The following BCAS1 variants were observed in gnomAD, a reference collection of about 807,000 sequenced individuals.
BCAS1 encodes brain enriched myelin associated protein 1.
A neutral mutation model predicts 65.4 loss-of-function variants in BCAS1; 46 were observed. That is an observed-to-expected ratio of 0.70 (90% CI 0.55 to 0.90). The LOEUF (loss-of-function observed/expected upper bound fraction) is 0.90, where lower values mean the gene tolerates loss of function less well. Ranked by LOEUF, BCAS1 falls within the 40% of genes least tolerant of loss-of-function variation. The probability of loss-of-function intolerance (pLI) is 0.00; values close to 1 mark genes in which losing one functional copy is unlikely to be tolerated. For synonymous variants in BCAS1, 298 were observed against 293.5 expected (o/e 1.02, Z -0.16); for missense variants, 793 against 771.2 (o/e 1.03, Z -0.33).
At chr20:54,006,461 G>C (rs1449040573) in intron 4 of BCAS1, among the ~76,000 whole-genome samples, 1 of 152,144 alleles carries the variant, frequency 6.6e-6, no homozygotes, top group Non-Finnish European at 1.5e-5. Flanking sequence ...TGTAATCCTA[G>C]CACTTTGGGA....
intron 9 of BCAS1, 92 bp downstream of exon 9, chr20:53,975,297 A>G: frequency 8.8e-7 from 1 of 1,139,616 alleles, no homozygotes; most frequent in Non-Finnish European, 1.3e-6. Context: ...GCAGCATGCA[A>G]GAACACAGGA....
chr20:54,019,543 G>A (rs977441522), intron 4 of BCAS1, among the ~76,000 whole-genome samples: 23 of 152,192 alleles, frequency 1.5e-4, no homozygotes, highest in Admixed American at 1.4e-3. Context: ...TGCCTAGATG[G>A]CTGGTAAAGT....
chr20:53,996,151 G>T, intron 4 of BCAS1, 101 bp from the exon 5 acceptor site: 1 of 1,276,028 alleles, frequency 7.8e-7, no homozygotes, highest in Non-Finnish European at 1.1e-6. Flanking sequence ...CCTAATTCCA[G>T]CCATACTTCT....
At chr20:54,052,060 A>G (rs978697010) in intron 3 of BCAS1, among the ~76,000 whole-genome samples, 8 of 152,102 alleles carry the variant, frequency 5.3e-5, no homozygotes. Flanking sequence ...TTTTTAAAAA[A>G]CTTCATTGTA....
At chr20:54,018,058 A>G (rs2146009937) in intron 4 of BCAS1, among the ~76,000 whole-genome samples, 1 of 152,358 alleles carries the variant, frequency 6.6e-6, no homozygotes, top group South Asian at 2.1e-4. Flanking sequence ...TAGGTTGCAG[A>G]CTTTCTAAGA....
chr20:54,058,206 A>G lies in BCAS1; in HGVS notation c.73-52T>C, dbSNP rs753827173. On this transcript the variant is annotated intron_variant, in intron 2 of 12. Transcript: ENST00000688948. The stretch of plus-strand genomic sequence containing the variant: ...GACAAATCTTCGGGGGAAAATCAGA[A>G]GAACTCAAGGAAGAACCTCTAAGAT... The G allele has an allele frequency of 2.6e-6, 4 of 1,515,570 alleles. No individual in the cohort carries two copies. The South Asian group carries it at 4.5e-5, about 17-fold the overall frequency. 93.9% of individuals were successfully genotyped at this position (1,515,570 alleles called of 1,614,324 possible).
chr20:53,995,582 T>C (rs2090885988), intron 5 of BCAS1, among the ~76,000 whole-genome samples: 1 of 152,156 alleles, frequency 6.6e-6, no homozygotes, highest in African/African-American at 2.4e-5. Flanking sequence ...GAGATATTTT[T>C]CAATTATTTT....
intron 4 of BCAS1, among the ~76,000 whole-genome samples, chr20:54,006,709 CAAAAA>C (rs762645740): frequency 1.1e-5 from 1 of 93,632 alleles, no homozygotes; most frequent in Non-Finnish European, 2.5e-5. Flanking sequence ...GACTCCATCT[CAAAAA>C]AAAAAAAAAA....
chr20:54,018,401 CTT>C (rs35997009), intron 4 of BCAS1, among the ~76,000 whole-genome samples: 3 of 136,356 alleles, frequency 2.2e-5, no homozygotes, highest in South Asian at 2.3e-4. Flanking sequence ...TATCCACTTA[CTT>C]TTTTTTTTTT....
rs749535318 is a variant in BCAS1, at chr20:53,992,635, T to C, written c.939A>G (p.Ala313=). The C allele has an allele frequency of 3.7e-6, 5 of 1,366,042 alleles. No individual in the cohort carries two copies. The highest frequency in any genetic ancestry group is 4.9e-6 in the Non-Finnish European group (5 of 1,021,794). The allele number at this position is 1,366,042 out of a possible 1,614,324, so 84.6% of individuals were successfully genotyped here. A position where few individuals can be genotyped will look rare whatever the true frequency, so the allele number is the denominator to read the frequency against. The change falls in exon 7 of 13, where the codon GCA becomes GCG. Residue 313 remains alanine (A), a synonymous_variant. Transcript: ENST00000688948. Reference sequence around the variant, plus strand: ...CAGCTTGTCCATCACAGACACTTTCTGCTTTCGATGCCTTTGGGGCAACAG... The same window carrying C: ...CAGCTTGTCCATCACAGACACTTTCCGCTTTCGATGCCTTTGGGGCAACAG... ...KKDPEDTASK[A]ESVCDGQAGQ...
In BCAS1 at chr20:54,028,725, C is replaced by T. The variant is rs768968211; in HGVS notation, c.390G>A (p.Ala130=). The T allele has an allele frequency of 6.8e-6, 11 of 1,614,066 alleles. No individual in the cohort carries two copies. In the South Asian group the frequency reaches 9.9e-5, roughly 14 times the overall value. The stretch of plus-strand genomic sequence containing the variant: ...TCCAGCTCTCACTTGGGTCTTTGTT[C>T]GCTGGAGCTTTATTGGAGCTGACAT... The part of the protein sequence containing the change: ...KLDVSSNKAP[A]NKDPSESWTL... The change falls in exon 4 of 13, where the codon GCG becomes GCA. Residue 130 remains alanine, a synonymous_variant. Coordinates refer to ENST00000688948, the MANE Select transcript of BCAS1 (RefSeq NM_001366298.2).
At chr20:53,966,248 G>A (rs1361142316) in intron 10 of BCAS1, among the ~76,000 whole-genome samples, 1 of 152,160 alleles carries the variant, frequency 6.6e-6, no homozygotes, top group Non-Finnish European at 1.5e-5. Flanking sequence ...CAACCAATGA[G>A]TGGATAAAGA....
intron 9 of BCAS1, 38 bp downstream of exon 9, chr20:53,975,351 G>A (rs770824043): frequency 1.3e-6 from 2 of 1,588,690 alleles, no homozygotes; most frequent in Non-Finnish European, 1.7e-6. Context: ...GGCGGAAGAT[G>A]AGAATGGAAT....
intron 4 of BCAS1, among the ~76,000 whole-genome samples, chr20:53,996,748 T>C (rs2090926396): frequency 6.6e-6 from 1 of 152,084 alleles, no homozygotes; most frequent in African/African-American, 2.4e-5. Context: ...ATACATTCTT[T>C]ACTCAACAGA....
chr20:53,998,153 C>T (rs146860627), intron 4 of BCAS1, among the ~76,000 whole-genome samples: 347 of 152,234 alleles, frequency 2.3e-3, no homozygotes, highest in Non-Finnish European at 3.9e-3. Flanking sequence ...TGCATTTAGA[C>T]TCCTGGATTT....
intron 12 of BCAS1, among the ~76,000 whole-genome samples, chr20:53,953,090 C>T (rs1248751732): frequency 2.0e-5 from 3 of 152,176 alleles, no homozygotes; most frequent in African/African-American, 2.4e-5. Flanking sequence ...GTGATGATGA[C>T]GATTACTTCT....
In BCAS1 at chr20:53,974,082, C is replaced by G. The variant is rs548035495; in HGVS notation, c.1317+1307G>C. ...CTGTAAAAACACACCAATCAGTGCT[C>G]TGTGTCTAGCAAAAGGATTGTAAAT... On this transcript the variant is annotated intron_variant, in intron 9 of 12. Transcript: ENST00000688948. 7.2e-5 allele frequency among the ~76,000 whole-genome samples: 11 copies of G among 152,014 alleles called. No individual in the cohort carries two copies. The South Asian group carries it at 2.3e-3, about 32-fold the overall frequency.
intron 5 of BCAS1, 90 bp downstream of exon 5, chr20:53,995,802 G>T: frequency 7.3e-7 from 1 of 1,360,550 alleles, no homozygotes; most frequent in Non-Finnish European, 1.0e-6. Flanking sequence ...AATTCATTTA[G>T]TACAATAACA....
intron 4 of BCAS1, among the ~76,000 whole-genome samples, chr20:54,013,548 A>T (rs1000724988): frequency 4.6e-5 from 7 of 152,222 alleles, no homozygotes; most frequent in African/African-American, 9.6e-5. Context: ...AAACTGTAAA[A>T]AGGATATATT....
Sources: allele counts gnomAD v4.1 joint callset (sites outside exome capture counted in the v4.1 genomes callset), GRCh38; gene constraint gnomAD v4.1.1; transcripts MANE v1.5; gene names NCBI Gene and HGNC (gene_info 2026-07-23, HGNC 2026-07-21).